SH3BP2: variants seen among roughly 807,000 people sequenced by gnomAD.
The protein encoded by SH3BP2 is SH3 domain-binding protein 2.
Under a neutral mutation model 56.2 loss-of-function variants are expected in SH3BP2, and 38 were observed. The observed-to-expected ratio is 0.68, with a 90% CI of 0.52 to 0.89. The LOEUF is 0.89. Ranked by LOEUF, SH3BP2 falls within the 40% of genes least tolerant of loss-of-function variation. The probability of loss-of-function intolerance (pLI) is 0.00; values close to 1 mark genes in which losing one functional copy is unlikely to be tolerated. For missense variants in SH3BP2, 748 were observed against 762.6 expected, an observed-to-expected ratio of 0.98 and a Z score of 0.23; for synonymous variants, 346 against 316.7, an observed-to-expected ratio of 1.09 and a Z score of -0.98.
chr4:2,824,801 C>A, intron 4 of SH3BP2, 71 bp downstream of exon 4: 1 of 1,190,492 alleles, frequency 8.4e-7, no homozygotes, highest in Non-Finnish European at 1.2e-6. Flanking sequence ...GCTGGACCTG[C>A]CTTGGGGGCT....
chr4:2,823,079 C>A, intron 3 of SH3BP2, 42 bp downstream of exon 3: 1 of 1,405,664 alleles, frequency 7.1e-7, no homozygotes, highest in Non-Finnish European at 1.0e-6. Flanking sequence ...CCCCCACAGC[C>A]AGCGGGTCCC....
At chr4:2,820,793 T>C in intron 2 of SH3BP2, 40 bp downstream of exon 2, 2 of 1,589,306 alleles carry the variant, frequency 1.3e-6, no homozygotes, top group Non-Finnish European at 1.7e-6. Flanking sequence ...TAGGAGGGCA[T>C]GGGGGCAGGG....
chr4:2,812,259 G>A, intron 1 of SH3BP2: 1 of 1,536,928 alleles, frequency 6.5e-7, no homozygotes, highest in Non-Finnish European at 8.8e-7. Context: ...GAAGTCCCGG[G>A]TGGGGAGGAA....
intron 1 of SH3BP2, among the ~76,000 whole-genome samples, chr4:2,814,510 A>G (rs1723907366): frequency 1.3e-5 from 2 of 152,290 alleles, no homozygotes; most frequent in Admixed American, 6.5e-5. Flanking sequence ...ACACACACAC[A>G]CACACGCACA....
chr4:2,833,749 T>C lies in SH3BP2; in HGVS notation c.1601T>C (p.Met534Thr). ...GEVLFVSVGSMVEHYHTHVLP... is the reference protein window; with the variant it reads ...GEVLFVSVGSTVEHYHTHVLP... Reference sequence around the variant, plus strand: ...GTCCTGTTTGTGAGTGTGGGCAGCATGGTGGAGCACTACCACACCCACGTG... The same window carrying C: ...GTCCTGTTTGTGAGTGTGGGCAGCACGGTGGAGCACTACCACACCCACGTG... Residue 534 changes from methionine to threonine, a missense_variant, in exon 13 of 13, where the codon ATG (methionine) becomes ACG (threonine). Physicochemically the swap from Met to Thr is moderately conservative, Grantham distance 81. This residue lies in a region of SH3BP2 where 635 missense variants were observed against 615.0 expected (regional missense o/e 1.03). Transcript: ENST00000503393. 1 of 1,607,198 alleles carries C rather than the reference T, an allele frequency of 6.2e-7. No individual in the cohort carries two copies. Among genetic ancestry groups the C allele is most frequent in the Non-Finnish European group, 8.5e-7 (1 of 1,176,962 alleles).
chr4:2,801,557 C>G (rs1302544001), intron 1 of SH3BP2, among the ~76,000 whole-genome samples: 1 of 152,182 alleles, frequency 6.6e-6, no homozygotes, highest in Non-Finnish European at 1.5e-5. Context: ...GCCTGCTCTC[C>G]CACCCCGATG....
At chr4:2,828,194 G>C (rs2282769) in intron 7 of SH3BP2, among the ~76,000 whole-genome samples, 112,961 of 149,006 alleles carry the variant, frequency 0.76, 42,994 homozygotes, top group African/African-American at 0.91. Context: ...CTCCTCTGTC[G>C]CCTCCCTCCC....
chr4:2,825,100 C>G (rs1034315902), intron 4 of SH3BP2, 26 bp from the exon 5 acceptor site: 1 of 1,550,048 alleles, frequency 6.5e-7, no homozygotes, highest in African/African-American at 1.4e-5. Context: ...TGGCACCGTG[C>G]CCACCACAGC....
intron 1 of SH3BP2, among the ~76,000 whole-genome samples, chr4:2,804,408 G>A (rs868203678): frequency 3.3e-5 from 5 of 152,170 alleles, no homozygotes; most frequent in African/African-American, 7.2e-5. Context: ...AGCATTGAGC[G>A]GGACCCAAAA....
At chr4:2,816,332 C>T (rs534686191) in intron 1 of SH3BP2, among the ~76,000 whole-genome samples, 5 of 152,346 alleles carry the variant, frequency 3.3e-5, no homozygotes, top group East Asian at 1.9e-4. Context: ...TGAGCCACTG[C>T]GCATGGCTAT....
At chr4:2,825,282 C>A in intron 5 of SH3BP2, 86 bp downstream of exon 5, 1 of 1,137,826 alleles carries the variant, frequency 8.8e-7, no homozygotes, top group Non-Finnish European at 1.3e-6. Context: ...CAGCCCCGGG[C>A]TTGGCATAGA....
intron 1 of SH3BP2, chr4:2,818,221 G>A: frequency 4.0e-6 from 4 of 987,792 alleles, no homozygotes; most frequent in Non-Finnish European, 4.8e-6. Context: ...AGGGCCGGCG[G>A]GCATGGCGGG....
chr4:2,812,312 T>TG, intron 1 of SH3BP2: 1 of 1,549,064 alleles, frequency 6.5e-7, no homozygotes. Context: ...GAGTGAGCTG[T>TG]GGGCACAGCT....
chr4:2,823,933 G>A (rs3755882), intron 3 of SH3BP2, among the ~76,000 whole-genome samples: 19,128 of 152,258 alleles, frequency 0.13, 1,893 homozygotes, highest in African/African-American at 0.27. Flanking sequence ...GGGGAAGGTC[G>A]TTCCCTTTCT....
intron 1 of SH3BP2, among the ~76,000 whole-genome samples, chr4:2,799,582 G>C (rs908218017): frequency 6.6e-6 from 1 of 152,198 alleles, no homozygotes; most frequent in Non-Finnish European, 1.5e-5. Context: ...AGGATCTAGC[G>C]GGCCTTGCCC....
chr4:2,801,708 C>T (rs1250814031), intron 1 of SH3BP2, among the ~76,000 whole-genome samples: 3 of 152,110 alleles, frequency 2.0e-5, no homozygotes, highest in Non-Finnish European at 4.4e-5. Context: ...CTAAAATTTA[C>T]TAAGGAATAA....
intron 1 of SH3BP2, chr4:2,818,330 C>T (rs1724102394): frequency 3.5e-6 from 4 of 1,153,016 alleles, no homozygotes; most frequent in Admixed American, 4.8e-5. Flanking sequence ...TGCCGGTGCT[C>T]GCAGGGGAGG....
rs762935038 is a variant in SH3BP2, at chr4:2,829,835, CT to C, written c.930del (p.Gly311AlafsTer50). ...AGCCCCAGCCCGGAGCCCTGGACCC[CT>C]GGCCACGGGGCCTGCTCCACTTCCA... ...SASPSPEPWT[P>X]GHGACSTSSA... is the part of the protein sequence containing the mutation. On this transcript the variant is annotated frameshift_variant, in exon 8 of 13. Transcript: ENST00000503393. LOFTEE classifies it high-confidence loss of function. The surrounding 1 kb of genome is among the most constrained non-coding windows in gnomAD (Gnocchi z 4.9). 12 of 1,613,630 alleles carry C rather than the reference CT, an allele frequency of 7.4e-6. No individual in the cohort carries two copies. Among genetic ancestry groups the C allele is most frequent in the Non-Finnish European group, 1.0e-5 (12 of 1,179,982 alleles).
At position 2,810,318 on chromosome 4, in the gene SH3BP2, C is replaced by T. The variant is rs547234483; in HGVS notation, c.-4-10296C>T. On this transcript the variant is annotated intron_variant, in intron 1 of 12. Transcript: ENST00000503393. The surrounding 1 kb of genome is among the most constrained non-coding windows in gnomAD (Gnocchi z 4.2). ...TGCTCCTCTCCTCTGGGCTGGACTC[C>T]CCCTGTAGCATCACAGCATTGGACC... Among the ~76,000 whole-genome samples, 3 of 151,658 alleles carry T rather than the reference C, an allele frequency of 2.0e-5. No individual in the cohort carries two copies. Among genetic ancestry groups the T allele is most frequent in the Non-Finnish European group, 4.4e-5 (3 of 67,858 alleles).
Sources: allele counts gnomAD v4.1 joint callset (sites outside exome capture counted in the v4.1 genomes callset), GRCh38; gene constraint gnomAD v4.1.1; regional missense constraint gnomAD v4.1.1; non-coding constraint Gnocchi (gnomAD v3.1); transcripts MANE v1.5; gene names NCBI Gene and HGNC (gene_info 2026-07-23, HGNC 2026-07-21).